ABCA9: variants seen among roughly 807,000 people sequenced by gnomAD.
ABCA9 encodes the protein ATP binding cassette subfamily A member 9.
In ABCA9, 183 loss-of-function variants were observed where a neutral mutation model predicts 205.3. The ratio of observed to expected loss-of-function variants is 0.89; its 90% CI spans 0.79 to 1.01. The LOEUF (loss-of-function observed/expected upper bound fraction) is 1.01, where lower values mean the gene tolerates loss of function less well. Ranked by LOEUF, ABCA9 falls within the 50% of genes least tolerant of loss-of-function variation. The pLI, the probability that ABCA9 is intolerant of heterozygous loss-of-function variation, is 0.00. For synonymous variants in ABCA9, 651 were observed against 683.3 expected (o/e 0.95, Z 0.74); for missense variants, 1,805 against 1,912.4 (o/e 0.94, Z 1.05).
Position 69,016,402 on chromosome 17 carries a change from C to G in ABCA9, c.2902-12G>C. On this transcript the variant is annotated splice_polypyrimidine_tract_variant and intron_variant, in intron 21 of 38. Coordinates refer to ENST00000340001, the MANE Select transcript of ABCA9 (RefSeq NM_080283.4). ...GAAAATCTGTGATCCTGAAATACAA[C>G]AAGTACCAATTCGAAGTCTTCATAA... is the stretch of plus-strand genomic sequence containing the variant. The G allele has an allele frequency of 1.9e-6, 3 of 1,565,206 alleles. No homozygotes were observed. The highest frequency in any genetic ancestry group is 1.7e-6 in the Non-Finnish European group (2 of 1,162,142).
intron 12 of ABCA9, 119 bp downstream of exon 12, chr17:69,028,416 C>T (rs1305716915): frequency 2.1e-5 from 11 of 531,952 alleles, no homozygotes; most frequent in Admixed American, 1.0e-4. Flanking sequence ...CCACCTGCCT[C>T]GGCTTCCCAA....
chr17:69,035,561 A>G, intron 7 of ABCA9, 99 bp downstream of exon 7: 1 of 1,488,596 alleles, frequency 6.7e-7, no homozygotes, highest in East Asian at 2.3e-5. Context: ...CAAATACTAC[A>G]AAGAGAACAA....
chr17:68,976,420 C>G (rs2068894674), intron 37 of ABCA9, among the ~76,000 whole-genome samples: 1 of 152,132 alleles, frequency 6.6e-6, no homozygotes, highest in African/African-American at 2.4e-5. Flanking sequence ...AAAGCAATAT[C>G]AGAGGTTCCA....
chr17:69,000,050 C>T (rs928977727), intron 25 of ABCA9, among the ~76,000 whole-genome samples: 58 of 151,804 alleles, frequency 3.8e-4, no homozygotes, highest in African/African-American at 9.9e-4. Flanking sequence ...GAGTAGGTTG[C>T]GAAAATTTTC....
At chr17:69,056,077 C>T (rs4968831) in intron 1 of ABCA9, among the ~76,000 whole-genome samples, 132,189 of 152,166 alleles carry the variant, frequency 0.87, 58,413 homozygotes, top group East Asian at 1. Flanking sequence ...AGATCTAAAG[C>T]AAACAATCTA....
chr17:69,049,470 A>C lies in ABCA9; in HGVS notation c.117T>G (p.Leu39=), dbSNP rs1483127229. 1 of 1,611,106 alleles carries C rather than the reference A, an allele frequency of 6.2e-7. No individual in the cohort carries two copies. The highest frequency in any genetic ancestry group is 2.2e-5 in the East Asian group (1 of 44,788). ...QTLLEWLFSF[L]LVLFLYLFFS... ...AAAATAGGTACAGAAACAGTACCAG[A>C]AGAAATGAAAAGAGCCATTCCTATA... is the stretch of plus-strand genomic sequence containing the variant. Residue 39 remains leucine (L), a synonymous_variant, in exon 3 of 39, where the codon CTT becomes CTG. Transcript: ENST00000340001.
the ABCA9 span, among the ~76,000 whole-genome samples, chr17:69,073,372 G>A: frequency 6.6e-6 from 1 of 152,086 alleles, no homozygotes; most frequent in African/African-American, 2.4e-5. Context: ...CTCAGCAAAT[G>A]CAAAAGAATG....
intron 2 of ABCA9, 98 bp from the exon 3 acceptor site, chr17:69,049,588 G>C (rs1205935488): frequency 3.0e-6 from 3 of 987,792 alleles, no homozygotes; most frequent in East Asian, 5.2e-5. Context: ...CTGTTATTTG[G>C]CTTGCATTCC....
chr17:69,027,029 T>C lies in ABCA9; in HGVS notation c.1997A>G (p.Asp666Gly). Residue 666 changes from aspartate to glycine, a missense_variant, in exon 15 of 39, where the codon GAC becomes GGC. By Grantham distance (94) the Asp-to-Gly change is moderately conservative (BLOSUM62 -1). Transcript: ENST00000340001. ...CTGGGTGCTGAAGAGAATTACTCTG[T>C]CTGATTTCCCCTCTTTCAGGAGATT... is the stretch of plus-strand genomic sequence containing the variant. The part of the protein sequence containing the change: ...IWNLLKEGKS[D>G]RVILFSTQFI... The C allele has an allele frequency of 6.2e-7, 1 of 1,614,164 alleles. No homozygotes were observed. Among genetic ancestry groups the C allele is most frequent in the East Asian group, 2.2e-5 (1 of 44,880 alleles).
Position 69,021,800 on chromosome 17 carries a change from T to C in ABCA9, c.2343A>G (p.Ile781Met). 2 of 1,598,042 alleles carry C rather than the reference T, an allele frequency of 1.3e-6. No individual in the cohort carries two copies. Among genetic ancestry groups the C allele is most frequent in the East Asian group, 2.3e-5 (1 of 44,184 alleles). ...NQGIEDYGVS[I>M]TTLNEVFLKL... is the part of the protein sequence containing the mutation. ...TCAGAAACACCTCATTCAAAGTTGT[T>C]ATGGAAACACCATAATCCTCAATGC... The change falls in exon 18 of 39, where the codon ATA (isoleucine) becomes ATG (methionine). Residue 781 changes from isoleucine (I) to methionine (M), a missense_variant. Ile to Met is a conservative substitution (Grantham distance 10). Coordinates refer to ENST00000340001, the MANE Select transcript of ABCA9 (RefSeq NM_080283.4).
chr17:68,989,242 CCT>C lies in ABCA9; in HGVS notation c.3956-126_3956-125del, dbSNP rs569197969. The C allele has an allele frequency of 3.0e-3, 991 of 334,496 alleles. 1 individual carries two copies. Among genetic ancestry groups the C allele is most frequent in the East Asian group, 8.1e-3 (178 of 22,048 alleles). 20.7% of individuals were successfully genotyped at this position (334,496 alleles called of 1,614,324 possible). Reference sequence around the variant, plus strand: ...TGCTATATATATTATTTCCCTTATTCCTCTCTCTCTCTCTCACACACACACAC... The same window carrying C: ...TGCTATATATATTATTTCCCTTATTCCTCTCTCTCTCTCACACACACACAC... On this transcript the variant is annotated intron_variant, in intron 30 of 38. Transcript: ENST00000340001.
At chr17:69,019,300 TAC>T (rs1247726692) in intron 19 of ABCA9, among the ~76,000 whole-genome samples, 12 of 152,176 alleles carry the variant, frequency 7.9e-5, no homozygotes, top group Admixed American at 5.2e-4. Context: ...AAATAAAAAA[TAC>T]AGTCTTAATA....
At chr17:69,010,452 C>T (rs2070330273) in intron 23 of ABCA9, among the ~76,000 whole-genome samples, 1 of 151,860 alleles carries the variant, frequency 6.6e-6, no homozygotes, top group African/African-American at 2.4e-5. Flanking sequence ...AGTGGGGTAG[C>T]TAGAGGAGGA....
intron 21 of ABCA9, 102 bp downstream of exon 21, chr17:69,017,554 T>C: frequency 1.5e-6 from 2 of 1,307,804 alleles, no homozygotes; most frequent in Non-Finnish European, 2.1e-6. Flanking sequence ...CTATCCCATT[T>C]GTTTGTGTGA....
chr17:69,006,148 G>T lies in ABCA9; in HGVS notation c.3435+1611C>A, dbSNP rs1598360114. ...TATTTTATTTTAGTTTCTTTCAAAT[G>T]TGAGGCATCCCCCATATCATCCCCT... On this transcript the variant is annotated intron_variant, in intron 25 of 38. Coordinates refer to ENST00000340001, the MANE Select transcript of ABCA9 (RefSeq NM_080283.4). Among the ~76,000 whole-genome samples, 10 of 152,182 alleles carry T rather than the reference G, an allele frequency of 6.6e-5. 1 individual carries two copies. In the South Asian group the frequency reaches 2.1e-3, roughly 32 times the overall value.
chr17:68,990,969 A>G lies in ABCA9; in HGVS notation c.3717-12T>C. 1 of 1,603,300 alleles carries G rather than the reference A, an allele frequency of 6.2e-7. No homozygotes were observed. Among genetic ancestry groups the G allele is most frequent in the East Asian group, 2.2e-5 (1 of 44,828 alleles). On this transcript the variant is annotated splice_polypyrimidine_tract_variant and intron_variant, in intron 28 of 38. Coordinates refer to ENST00000340001, the MANE Select transcript of ABCA9 (RefSeq NM_080283.4). Reference sequence around the variant, plus strand: ...TTCTTGGAGAAATTCTGAAATCAAAACAGTGTGATAATGATAAACTTCGGG... The same window carrying G: ...TTCTTGGAGAAATTCTGAAATCAAAGCAGTGTGATAATGATAAACTTCGGG...
At chr17:69,067,256 C>A in the ABCA9 span, among the ~76,000 whole-genome samples, 1 of 151,698 alleles carries the variant, frequency 6.6e-6, no homozygotes, top group African/African-American at 2.4e-5. Context: ...TATTCTTCAA[C>A]TTTGAATTTA....
chr17:69,078,949 C>A, the ABCA9 span: 61 of 1,504,294 alleles, frequency 4.1e-5, 1 homozygote, highest in Non-Finnish European at 5.2e-5. Flanking sequence ...AGGAGATCAA[C>A]AAAAAATTAC....
At chr17:69,012,123 GCATCTGTTT>G in intron 22 of ABCA9, 40 bp from the exon 23 acceptor site, 2 of 1,398,866 alleles carry the variant, frequency 1.4e-6, no homozygotes, top group South Asian at 2.4e-5. Flanking sequence ...TGGCGATTGG[GCATCTGTTT>G]CATCTGTACT....
Sources: gnomAD v4.1 joint callset for allele counts (sites outside exome capture counted in the v4.1 genomes callset) on GRCh38, gnomAD v4.1.1 for gene constraint, MANE v1.5 for transcripts, NCBI Gene and HGNC (gene_info 2026-07-23, HGNC 2026-07-21) for gene names.